The following TYW1B variants were observed in gnomAD, a reference collection of about 807,000 sequenced individuals.
TYW1B encodes tRNA-yW synthesizing protein 1 homolog B.
TYW1B carries 73 observed loss-of-function variants against 86.9 expected under a neutral mutation model. That is an observed-to-expected ratio of 0.84 (90% CI 0.70 to 1.02). The LOEUF (loss-of-function observed/expected upper bound fraction) is 1.02. TYW1B is among the 50% of genes least tolerant of loss of function. The pLI, the probability that TYW1B is intolerant of heterozygous loss-of-function variation, is 0.00. For synonymous variants in TYW1B, 248 were observed against 292.8 expected (o/e 0.85, Z 1.56); for missense variants, 637 against 827.4 (o/e 0.77, Z 2.82).
chr7:72,827,711 C>T (rs1554481701), intron 1 of TYW1B, among the ~76,000 whole-genome samples: 3 of 152,010 alleles, frequency 2.0e-5, no homozygotes, highest in Non-Finnish European at 4.4e-5. Context: ...AAGTAACTGA[C>T]CTTACGTCTC....
intron 13 of TYW1B, among the ~76,000 whole-genome samples, chr7:72,577,731 G>GTGCCGACAGCAGAATTGA (rs1462431813): frequency 6.4e-4 from 97 of 152,294 alleles, no homozygotes; most frequent in African/African-American, 2.2e-3. Flanking sequence ...GCCTGAGACT[G>GTGCCGACAGCAGAATTGA]TGCCGACAGC....
In TYW1B at chr7:72,776,485, C is replaced by A. The variant is rs556687320; in HGVS notation, c.964+931G>T. Among the ~76,000 whole-genome samples, 4 of 128,394 alleles carry A rather than the reference C, an allele frequency of 3.1e-5. No homozygotes were observed. In the East Asian group the frequency reaches 9.8e-4, roughly 31 times the overall value. 84.2% of individuals were successfully genotyped at this position (128,394 alleles called of 152,430 possible). On this transcript the variant is annotated intron_variant, in intron 7 of 13. Coordinates refer to ENST00000620995, the MANE Select transcript of TYW1B (RefSeq NM_001145440.3). ...CTGAGGCAGGAGAATCACTTGAACC[C>A]AGGAGGCAGAGGTTACAGTGAGCCA...
At position 72,828,169 on chromosome 7, in the gene TYW1B, G is replaced by C. The variant is rs1390482393; in HGVS notation, c.-94C>G. On this transcript the variant is annotated 5_prime_UTR_variant, in exon 1 of 14. Transcript: ENST00000620995. ...GAGACGCACCGAGCTACCTCGCGGC[G>C]TTAGCGCCGTACCGAGTGGCTGCAG... 4 of 1,585,572 alleles carry C rather than the reference G, an allele frequency of 2.5e-6. No homozygotes were observed. Among genetic ancestry groups the C allele is most frequent in the African/African-American group, 1.3e-5 (1 of 74,444 alleles).
chr7:72,828,087 C>G lies in TYW1B; in HGVS notation c.-12G>C. On this transcript the variant is annotated 5_prime_UTR_variant, in exon 1 of 14. Transcript: ENST00000620995. ...GTGCCCTTACCCATCCTCCTCAGAGCCGACAGGAGACTAGGATCTCGGACC... is the reference window on the plus strand; with the variant it reads ...GTGCCCTTACCCATCCTCCTCAGAGGCGACAGGAGACTAGGATCTCGGACC... 1 of 1,613,952 alleles carries G rather than the reference C, an allele frequency of 6.2e-7. No homozygotes were observed. The highest frequency in any genetic ancestry group is 8.5e-7 in the Non-Finnish European group (1 of 1,179,922).
At chr7:72,691,697 AT>A (rs1445833549) in intron 11 of TYW1B, among the ~76,000 whole-genome samples, 2 of 152,164 alleles carry the variant, frequency 1.3e-5, no homozygotes, top group Non-Finnish European at 2.9e-5. Context: ...ATCCATTCTA[AT>A]TTTTATGCTA....
At chr7:72,736,273 GA>G in intron 8 of TYW1B, among the ~76,000 whole-genome samples, 1 of 152,308 alleles carries the variant, frequency 6.6e-6, no homozygotes, top group African/African-American at 2.4e-5. Context: ...GGAATGCTCA[GA>G]AAGGTAAAAA....
chr7:72,820,174 CT>C (rs1171944461), intron 2 of TYW1B, among the ~76,000 whole-genome samples: 1 of 152,066 alleles, frequency 6.6e-6, no homozygotes, highest in Non-Finnish European at 1.5e-5. Flanking sequence ...ACTCGGGAGG[CT>C]GAGGCAAGAG....
intron 3 of TYW1B, among the ~76,000 whole-genome samples, chr7:72,811,842 G>A (rs1336528461): frequency 6.6e-6 from 1 of 150,424 alleles, no homozygotes; most frequent in Admixed American, 6.7e-5. Context: ...AGCCCAGGAG[G>A]CAGAGGCTGC....
intron 13 of TYW1B, among the ~76,000 whole-genome samples, chr7:72,590,987 G>A (rs2129567816): frequency 6.6e-6 from 1 of 152,190 alleles, no homozygotes; most frequent in South Asian, 2.1e-4. Flanking sequence ...ATATCAATAG[G>A]CATAGAAAAC....
chr7:72,818,474 G>T (rs1171312045), intron 2 of TYW1B, among the ~76,000 whole-genome samples: 1 of 150,336 alleles, frequency 6.7e-6, no homozygotes, highest in African/African-American at 2.5e-5. Flanking sequence ...AGCTACTTGG[G>T]AGGCTGAGGT....
In TYW1B at chr7:72,824,607, G is replaced by A. The variant is rs552512657; in HGVS notation, c.135+2248C>T. On this transcript the variant is annotated intron_variant, in intron 2 of 13. Transcript: ENST00000620995. ...AATACAAAAATTAACCAGATGTGAT[G>A]GCAGGCACCTGTAATCCCAGCTACT... 2.7e-4 allele frequency among the ~76,000 whole-genome samples: 41 copies of A among 152,124 alleles called. No individual in the cohort carries two copies. In the South Asian group the frequency reaches 4.8e-3, roughly 18 times the overall value.
chr7:72,603,336 ATGGATGGATGGATG>A (rs2129568106), intron 13 of TYW1B, among the ~76,000 whole-genome samples: 2 of 152,030 alleles, frequency 1.3e-5, no homozygotes, highest in African/African-American at 4.8e-5. Flanking sequence ...GGATGGATGG[ATGGATGGATGGATG>A]GATGGACGAA....
At chr7:72,718,439 A>T (rs1432314827) in intron 9 of TYW1B, among the ~76,000 whole-genome samples, 1 of 152,190 alleles carries the variant, frequency 6.6e-6, no homozygotes, top group African/African-American at 2.4e-5. Context: ...TGTAAATAAC[A>T]TGCACATGTA....
intron 13 of TYW1B, among the ~76,000 whole-genome samples, chr7:72,600,946 A>G (rs1811650841): frequency 6.6e-6 from 1 of 152,142 alleles, no homozygotes; most frequent in Admixed American, 6.5e-5. Context: ...ACCTGAGGTC[A>G]GGAGTTCGAG....
chr7:72,827,958 T>C (rs1788969945), intron 1 of TYW1B, 114 bp downstream of exon 1: 2 of 1,561,492 alleles, frequency 1.3e-6, no homozygotes, highest in South Asian at 1.2e-5. Flanking sequence ...TGCTGTCAAG[T>C]GCAACAGTCT....
chr7:72,736,539 T>A (rs1178755559), intron 8 of TYW1B, among the ~76,000 whole-genome samples: 1 of 151,990 alleles, frequency 6.6e-6, no homozygotes, highest in African/African-American at 2.4e-5. Flanking sequence ...TCTACTTCAC[T>A]TTTTACATGC....
intron 12 of TYW1B, among the ~76,000 whole-genome samples, chr7:72,619,649 A>T (rs1370957533): frequency 6.8e-6 from 1 of 146,826 alleles, no homozygotes; most frequent in Non-Finnish European, 1.5e-5. Context: ...CTCCGTCTCA[A>T]AAAAAAAAAA....
chr7:72,634,921 C>T (rs1554440527), intron 11 of TYW1B, among the ~76,000 whole-genome samples: 1 of 152,156 alleles, frequency 6.6e-6, no homozygotes. Context: ...ATAATTTCAT[C>T]CACTTTATGG....
chr7:72,582,229 G>C (rs1196946190), intron 13 of TYW1B, among the ~76,000 whole-genome samples: 1 of 152,020 alleles, frequency 6.6e-6, no homozygotes, highest in Non-Finnish European at 1.5e-5. Flanking sequence ...TGAAGGACAT[G>C]AGTTTCCACA....
Sources: allele counts gnomAD v4.1 joint callset (sites outside exome capture counted in the v4.1 genomes callset), GRCh38; gene constraint gnomAD v4.1.1; transcripts MANE v1.5; gene names NCBI Gene and HGNC (gene_info 2026-07-23, HGNC 2026-07-21).